The following MTMR2 variants were observed in gnomAD, a reference collection of about 807,000 sequenced individuals.
MTMR2 encodes phosphatidylinositol-3,5-bisphosphate 3-phosphatase MTMR2.
In MTMR2, 55 loss-of-function variants were observed where a neutral mutation model predicts 86.9. The ratio of observed to expected loss-of-function variants is 0.63; its 90% confidence interval spans 0.51 to 0.79. The LOEUF (loss-of-function observed/expected upper bound fraction) is 0.79. Ranked by LOEUF, MTMR2 falls within the 30% of genes least tolerant of loss-of-function variation. The pLI, the probability that MTMR2 is intolerant of heterozygous loss-of-function variation, is 0.00. For missense variants in MTMR2, 659 were observed against 772.3 expected, an observed-to-expected ratio of 0.85 and a Z score of 1.74; for synonymous variants, 241 against 266.8, an observed-to-expected ratio of 0.90 and a Z score of 0.94.
chr11:95,876,127 T>C (rs765773942), intron 2 of MTMR2, among the ~76,000 whole-genome samples: 73 of 152,232 alleles, frequency 4.8e-4, no homozygotes, highest in Non-Finnish European at 1.0e-3. Flanking sequence ...TCTTCAAAGC[T>C]GTCAGACAGG....
intron 2 of MTMR2, among the ~76,000 whole-genome samples, chr11:95,885,170 AC>A (rs776889004): frequency 3.6e-4 from 55 of 152,294 alleles, no homozygotes; most frequent in African/African-American, 1.0e-3. Flanking sequence ...CAGGACACTT[AC>A]GTCTAACGTT....
intron 1 of MTMR2, among the ~76,000 whole-genome samples, chr11:95,896,083 T>C (rs524013): frequency 0.057 from 8,602 of 152,076 alleles, 792 homozygotes; most frequent in African/African-American, 0.2. Context: ...TCAACCACAC[T>C]AGCCTTCTTT....
chr11:95,857,376 G>T (rs1417079222), intron 7 of MTMR2, among the ~76,000 whole-genome samples, 176 bp downstream of exon 7: 1 of 152,176 alleles, frequency 6.6e-6, no homozygotes, highest in South Asian at 2.1e-4. Flanking sequence ...ACTGAAGGAA[G>T]AATAGGAAGA....
intron 2 of MTMR2, among the ~76,000 whole-genome samples, chr11:95,868,302 GAAAGAAA>G (rs1283392039): frequency 8.6e-5 from 8 of 93,330 alleles, no homozygotes; most frequent in Admixed American, 6.4e-4. Flanking sequence ...AAAAAAAAAA[GAAAGAAA>G]AAGAAAAAGA....
rs761858855 is a variant in MTMR2, at chr11:95,833,675, T to G, written c.*1615A>C. 6.6e-6 allele frequency: 1 copy of G among 152,152 alleles called. No individual in the cohort carries two copies. The highest frequency in any genetic ancestry group is 1.5e-5 in the Non-Finnish European group (1 of 68,002). The allele number at this position is 152,152 out of a possible 1,614,324, so 9.4% of individuals were successfully genotyped here. A position where few individuals can be genotyped will look rare whatever the true frequency, so the allele number is the denominator to read the frequency against. On this transcript the variant is annotated 3_prime_UTR_variant, in exon 15 of 15. Transcript: ENST00000346299. Reference sequence around the variant, plus strand: ...AGCCATTCTACATTCTTTTATGTGGTATCAGGCCAAGATAACCAAGGTTTA... The same window carrying G: ...AGCCATTCTACATTCTTTTATGTGGGATCAGGCCAAGATAACCAAGGTTTA...
chr11:95,847,026 A>G (rs1318262484), intron 10 of MTMR2, among the ~76,000 whole-genome samples: 1 of 152,192 alleles, frequency 6.6e-6, no homozygotes, highest in Non-Finnish European at 1.5e-5. Flanking sequence ...ATGTGGTTAC[A>G]TAAGTCTACA....
chr11:95,919,548 C>T (rs1025159685), intron 1 of MTMR2, among the ~76,000 whole-genome samples: 2 of 152,106 alleles, frequency 1.3e-5, no homozygotes, highest in African/African-American at 4.8e-5. Context: ...ATTAAAACGA[C>T]TAACAACACA....
At chr11:95,857,479 A>G (rs898803231) in intron 7 of MTMR2, 73 bp downstream of exon 7, 4 of 1,058,300 alleles carry the variant, frequency 3.8e-6, no homozygotes, top group Non-Finnish European at 5.9e-6. Flanking sequence ...GTTTTCGTAC[A>G]TGGTTCCACC....
intron 2 of MTMR2, among the ~76,000 whole-genome samples, chr11:95,885,452 C>T (rs1296952937): frequency 6.6e-6 from 1 of 151,940 alleles, no homozygotes; most frequent in African/African-American, 2.4e-5. Flanking sequence ...AGCATCTTGT[C>T]GTGCCAGAAA....
At chr11:95,922,702 T>A (rs779336555) in intron 1 of MTMR2, among the ~76,000 whole-genome samples, 7 of 152,222 alleles carry the variant, frequency 4.6e-5, no homozygotes, top group Non-Finnish European at 1.0e-4. Flanking sequence ...ACAATTATAG[T>A]GTGCTTATTA....
intron 7 of MTMR2, among the ~76,000 whole-genome samples, chr11:95,851,074 T>C (rs1315493318): frequency 6.9e-6 from 1 of 144,622 alleles, no homozygotes; most frequent in Non-Finnish European, 1.5e-5. Flanking sequence ...TTTTTTTTTT[T>C]TTTTTTGAGA....
chr11:95,871,221 A>C (rs1354093324), intron 2 of MTMR2, among the ~76,000 whole-genome samples: 1 of 152,218 alleles, frequency 6.6e-6, no homozygotes, highest in East Asian at 1.9e-4. Context: ...TGTTTATAGC[A>C]GCGTGATTTA....
At chr11:95,837,251 AT>A (rs1345716620) in intron 13 of MTMR2, among the ~76,000 whole-genome samples, 9 of 152,152 alleles carry the variant, frequency 5.9e-5, no homozygotes, top group African/African-American at 1.9e-4. Context: ...TGTATTGCTT[AT>A]TTAATAATCT....
chr11:95,855,649 C>T (rs942279458), intron 7 of MTMR2, among the ~76,000 whole-genome samples: 3 of 151,904 alleles, frequency 2.0e-5, no homozygotes, highest in Non-Finnish European at 4.4e-5. Context: ...AGTGGCAGCA[C>T]ATGATAAAGC....
At chr11:95,920,128 A>C (rs1186839659) in intron 1 of MTMR2, among the ~76,000 whole-genome samples, 1 of 152,220 alleles carries the variant, frequency 6.6e-6, no homozygotes, top group African/African-American at 2.4e-5. Flanking sequence ...CAACAAAAGT[A>C]AAATTACAGA....
At chr11:95,902,119 C>A (rs1866096221) in intron 1 of MTMR2, among the ~76,000 whole-genome samples, 1 of 152,174 alleles carries the variant, frequency 6.6e-6, no homozygotes, top group Non-Finnish European at 1.5e-5. Context: ...TTTTACCCTA[C>A]TACTTAGTAG....
chr11:95,874,887 T>G (rs1035276488), intron 2 of MTMR2, among the ~76,000 whole-genome samples: 1 of 152,198 alleles, frequency 6.6e-6, no homozygotes, highest in Non-Finnish European at 1.5e-5. Flanking sequence ...AATTCTGGGT[T>G]GAAAATTCTT....
chr11:95,868,448 G>A (rs1483909438), intron 2 of MTMR2, among the ~76,000 whole-genome samples: 1 of 151,942 alleles, frequency 6.6e-6, no homozygotes, highest in Admixed American at 6.6e-5. Flanking sequence ...TATGCAATTA[G>A]CAACAAATTG....
At chr11:95,909,838 G>T (rs7926176) in intron 1 of MTMR2, among the ~76,000 whole-genome samples, 4,254 of 152,134 alleles carry the variant, frequency 0.028, 182 homozygotes, top group African/African-American at 0.096. Context: ...TGAACTGGTA[G>T]AAAGTGTTCA....
Sources: gnomAD v4.1 joint callset for allele counts (sites outside exome capture counted in the v4.1 genomes callset) on GRCh38, gnomAD v4.1.1 for gene constraint, MANE v1.5 for transcripts, NCBI Gene and HGNC (gene_info 2026-07-23, HGNC 2026-07-21) for gene names.